Variants in CASP10 observed in about 807,000 individuals in gnomAD.
The protein encoded by CASP10 is caspase 10.
In CASP10, 41 loss-of-function variants were observed where a neutral mutation model predicts 48.5. The observed-to-expected ratio is 0.85, with a 90% CI of 0.66 to 1.10. CASP10 has a LOEUF of 1.10. Among genes scored for constraint, CASP10 ranks in the 50% least tolerant of loss-of-function variants. The probability of loss-of-function intolerance (pLI) is 0.00; values close to 1 mark genes in which losing one functional copy is unlikely to be tolerated. For synonymous variants in CASP10, 232 were observed against 238.4 expected (o/e 0.97, Z 0.25); for missense variants, 614 against 614.5 (o/e 1.00, Z 0.01).
chr2:201,195,482 C>T (rs1445862657), intron 4 of CASP10, among the ~76,000 whole-genome samples: 1 of 152,090 alleles, frequency 6.6e-6, no homozygotes, highest in Non-Finnish European at 1.5e-5. Context: ...TTAATATTGA[C>T]TTTCTTTAGT....
intron 4 of CASP10, among the ~76,000 whole-genome samples, chr2:201,195,070 C>A (rs1944743766): frequency 6.6e-6 from 1 of 150,912 alleles, no homozygotes; most frequent in African/African-American, 2.4e-5. Context: ...AGCCACCGCG[C>A]CCGGCTTGAG....
chr2:201,216,406 A>G (rs1336774994), intron 9 of CASP10, among the ~76,000 whole-genome samples: 3 of 152,060 alleles, frequency 2.0e-5, no homozygotes, highest in African/African-American at 4.8e-5. Flanking sequence ...GATCCCTGCC[A>G]TGAACAAATC....
downstream of CASP10, among the ~76,000 whole-genome samples, chr2:201,221,868 C>T (rs1394303275): frequency 4.6e-5 from 7 of 152,142 alleles, no homozygotes; most frequent in African/African-American, 9.7e-5. Context: ...GGTCCCTGGA[C>T]GTTTACAGCT....
chr2:201,204,853 G>A (rs1002092572), intron 6 of CASP10, among the ~76,000 whole-genome samples: 1 of 152,170 alleles, frequency 6.6e-6, no homozygotes, highest in Non-Finnish European at 1.5e-5. Context: ...ATGGTGAGGA[G>A]GAATTTATAG....
In CASP10 at chr2:201,195,946, C is replaced by T. The variant is rs370134219; in HGVS notation, c.682C>T (p.Pro228Ser). 5 of 1,606,474 alleles carry T rather than the reference C, an allele frequency of 3.1e-6. No homozygotes were observed. In the African/African-American group the frequency reaches 6.7e-5, roughly 22 times the overall value. ...TDVKTFLEAL[P>S]QESWQNKHAG... is the part of the protein sequence containing the mutation. ...TGTTAAGACATTCTTGGAAGCCTTA[C>T]CGGTAGGTTCAGTGGTGTGCTGGTC... The change falls in exon 5 of 10, where the codon CCG becomes TCG. Residue 228 changes from proline to serine, a missense_variant and splice_region_variant. Physicochemically the swap from Pro to Ser is moderately conservative, Grantham distance 74. Transcript: ENST00000286186.
intron 2 of CASP10, 63 bp downstream of exon 2, chr2:201,186,187 G>A (rs1944411392): frequency 3.3e-6 from 4 of 1,222,410 alleles, no homozygotes; most frequent in Middle Eastern, 2.7e-4. Flanking sequence ...CTGGCCATTG[G>A]GCTTTGAAAG....
At position 201,219,938 on chromosome 2, in the gene CASP10, G is replaced by A; in HGVS notation, c.*2197G>A. 1.0e-6 allele frequency: 1 copy of A among 985,324 alleles called. No individual in the cohort carries two copies. Among genetic ancestry groups the A allele is most frequent in the Non-Finnish European group, 1.2e-6 (1 of 829,920 alleles). 61.0% of individuals were successfully genotyped at this position (985,324 alleles called of 1,614,324 possible). On this transcript the variant is annotated 3_prime_UTR_variant, in exon 10 of 10. Coordinates refer to ENST00000286186, the MANE Select transcript of CASP10 (RefSeq NM_032977.4). ...AACTGGAATGCCTTGGGGCGTGGAA[G>A]GGCATTAGGAGTGTTTCATTTGATA...
chr2:201,200,487 G>A lies in CASP10; in HGVS notation c.685-3243G>A, dbSNP rs761039791. The A allele has an allele frequency of 1.0e-5, 16 of 1,598,184 alleles. No homozygotes were observed. The highest frequency in any genetic ancestry group is 1.6e-4 in the Middle Eastern group (1 of 6,080). On this transcript the variant is annotated intron_variant, in intron 5 of 9. Coordinates refer to ENST00000286186, the MANE Select transcript of CASP10 (RefSeq NM_032977.4). ...TAAATGAAGGAGACCGTGGAAACTC[G>A]CCAGATGACCTGTAGCTCCTGGAGC...
intron 5 of CASP10, among the ~76,000 whole-genome samples, chr2:201,199,099 A>T (rs1299300564): frequency 2.6e-5 from 4 of 152,028 alleles, no homozygotes; most frequent in Non-Finnish European, 4.4e-5. Flanking sequence ...ACACACACAT[A>T]ATTTTTTTCT....
chr2:201,227,643 A>G (rs1038454098), intron 9 of CASP10, among the ~76,000 whole-genome samples: 1 of 151,416 alleles, frequency 6.6e-6, no homozygotes, highest in Admixed American at 6.6e-5. Context: ...TGCAAGCTCC[A>G]CCTCCTGGGT....
rs1944621222 is a variant in CASP10, at chr2:201,191,802, C to T, written c.442-1182C>T. 2.0e-5 allele frequency among the ~76,000 whole-genome samples: 3 copies of T among 152,148 alleles called. 1 individual carries two copies. The South Asian group carries it at 6.2e-4, about 32-fold the overall frequency. ...GGCCTACACATATCCTGAGAGATCT[C>T]ACAACTGTCAGGAAATCCGTTCTCA... is the stretch of plus-strand genomic sequence containing the variant. On this transcript the variant is annotated intron_variant, in intron 3 of 9. Transcript: ENST00000286186.
At position 201,186,035 on chromosome 2, in the gene CASP10, A is replaced by G. The variant is rs1324259879; in HGVS notation, c.258A>G (p.Ile86Met). The G allele has an allele frequency of 2.5e-6, 4 of 1,613,104 alleles. No individual in the cohort carries two copies. In the Admixed American group the frequency reaches 6.7e-5, roughly 27 times the overall value. ...TCCTGGCAGAACTCCTCTATATCAT[A>G]CGGCAGAAGAAGCTGCTGCAGCACC... Reference protein sequence around the residue: ...PFFLAELLYIIRQKKLLQHLN... With the variant: ...PFFLAELLYIMRQKKLLQHLN... The change falls in exon 2 of 10, where the codon ATA (isoleucine) becomes ATG (methionine). Residue 86 changes from isoleucine (I) to methionine (M), a missense_variant. Transcript: ENST00000286186.
chr2:201,206,036 A>C (rs1945193464), intron 7 of CASP10, 63 bp downstream of exon 7: 12 of 1,054,662 alleles, frequency 1.1e-5, no homozygotes, highest in Non-Finnish European at 1.6e-5. Context: ...TTTAATCAAA[A>C]GGACGGTTTC....
chr2:201,200,606 T>C (rs1944983746), intron 5 of CASP10: 6 of 1,504,632 alleles, frequency 4.0e-6, no homozygotes, highest in Non-Finnish European at 5.3e-6. Context: ...GGCTCTGCCC[T>C]GAACCTCATT....
chr2:201,200,358 G>T, intron 5 of CASP10: 2 of 1,256,348 alleles, frequency 1.6e-6, no homozygotes, highest in Non-Finnish European at 1.1e-6. Context: ...GTAAAACAAT[G>T]CTTTTCTGAC....
intron 5 of CASP10, among the ~76,000 whole-genome samples, chr2:201,197,206 G>A (rs1358108329): frequency 6.6e-6 from 1 of 151,546 alleles, no homozygotes; most frequent in African/African-American, 2.4e-5. Context: ...CAAATTCTTG[G>A]GCTCAAGCAA....
intron 5 of CASP10, among the ~76,000 whole-genome samples, chr2:201,197,756 A>G (rs559557595): frequency 1.3e-5 from 2 of 152,350 alleles, no homozygotes; most frequent in African/African-American, 4.8e-5. Flanking sequence ...CCACTCATCC[A>G]TTGATGGACT....
chr2:201,192,492 C>T (rs749723993), intron 3 of CASP10, among the ~76,000 whole-genome samples: 7 of 151,886 alleles, frequency 4.6e-5, no homozygotes, highest in South Asian at 2.1e-4. Context: ...AAAATTCTTT[C>T]GAAACATTTT....
At chr2:201,223,308 G>A (rs907683596), downstream of CASP10, among the ~76,000 whole-genome samples, 3 of 152,150 alleles carry the variant, frequency 2.0e-5, no homozygotes, top group Non-Finnish European at 4.4e-5. Flanking sequence ...CTCCTCCACC[G>A]TCCCTCACCT....
Sources: gnomAD v4.1 joint callset for allele counts (sites outside exome capture counted in the v4.1 genomes callset) on GRCh38, gnomAD v4.1.1 for gene constraint, MANE v1.5 for transcripts, NCBI Gene and HGNC (gene_info 2026-07-23, HGNC 2026-07-21) for gene names.